The following PHKB variants were observed in gnomAD, a reference collection of about 807,000 sequenced individuals.
The protein encoded by PHKB is phosphorylase kinase regulatory subunit beta.
In PHKB, 122 loss-of-function variants were observed where a neutral mutation model predicts 152.1. The ratio of observed to expected loss-of-function variants is 0.80; its 90% confidence interval spans 0.69 to 0.93. PHKB has a LOEUF of 0.93. Ranked by LOEUF, PHKB falls within the 40% of genes least tolerant of loss-of-function variation. The probability of loss-of-function intolerance (pLI) is 0.00; values close to 1 mark genes in which losing one functional copy is unlikely to be tolerated. For missense variants in PHKB, 1,304 were observed against 1,328.4 expected, an observed-to-expected ratio of 0.98 and a Z score of 0.29; for synonymous variants, 436 against 464.9, an observed-to-expected ratio of 0.94 and a Z score of 0.80.
At chr16:47,543,937 A>G (rs1476884444) in intron 6 of PHKB, among the ~76,000 whole-genome samples, 2 of 151,992 alleles carry the variant, frequency 1.3e-5, no homozygotes, top group African/African-American at 2.4e-5. Context: ...TATTACATCT[A>G]TTTTTATTAC....
chr16:47,517,559 GTTTAGTAA>G (rs1970619247), intron 6 of PHKB, among the ~76,000 whole-genome samples: 1 of 152,002 alleles, frequency 6.6e-6, no homozygotes, highest in African/African-American at 2.4e-5. Context: ...ACCTGGCCTT[GTTTAGTAA>G]TTTATTTTTA....
chr16:47,569,373 T>G (rs1971620289), intron 7 of PHKB, among the ~76,000 whole-genome samples: 1 of 152,238 alleles, frequency 6.6e-6, no homozygotes, highest in African/African-American at 2.4e-5. Context: ...TTTCCATATC[T>G]TTCCTTGACT....
At chr16:47,696,558 A>T in intron 29 of PHKB, 70 bp downstream of exon 29, 1 of 865,950 alleles carries the variant, frequency 1.2e-6, no homozygotes, top group Non-Finnish European at 2.0e-6. Flanking sequence ...AGTATAAGGG[A>T]AACTGCCTAT....
intron 7 of PHKB, among the ~76,000 whole-genome samples, chr16:47,549,597 G>C (rs1244991713): frequency 6.6e-6 from 1 of 151,982 alleles, no homozygotes; most frequent in East Asian, 1.9e-4. Context: ...TGGGAGGCTG[G>C]GGCAGGAGAC....
At chr16:47,481,022 A>G (rs1217163592) in intron 1 of PHKB, among the ~76,000 whole-genome samples, 1 of 152,168 alleles carries the variant, frequency 6.6e-6, no homozygotes, top group East Asian at 1.9e-4. Context: ...TGTCTTCATT[A>G]TAATGTGGAT....
chr16:47,647,550 T>C (rs895470756), intron 16 of PHKB, among the ~76,000 whole-genome samples: 7 of 151,614 alleles, frequency 4.6e-5, no homozygotes, highest in Non-Finnish European at 7.4e-5. Flanking sequence ...CAGGCTGGAG[T>C]GCAGTGGCTC....
chr16:47,513,105 T>G (rs947048128), intron 5 of PHKB, among the ~76,000 whole-genome samples: 2 of 152,212 alleles, frequency 1.3e-5, no homozygotes, highest in Non-Finnish European at 2.9e-5. Context: ...GATAATAGCT[T>G]ATTTATCTTT....
intron 1 of PHKB, among the ~76,000 whole-genome samples, chr16:47,473,218 A>ATTTTTTTCTTTTTT (rs1969807742): frequency 2.1e-5 from 1 of 48,738 alleles, no homozygotes; most frequent in African/African-American, 7.8e-5. Flanking sequence ...TGCCTGGCTA[A>ATTTTTTTCTTTTTT]TTTTTTTTTT....
chr16:47,588,848 G>T, intron 9 of PHKB, 57 bp from the exon 10 acceptor site: 1 of 1,415,340 alleles, frequency 7.1e-7, no homozygotes, highest in East Asian at 2.3e-5. Flanking sequence ...TTCTCCTTGG[G>T]CTGTGTTGAT....
Position 47,665,042 on chromosome 16 carries a change from T to TTAAA in PHKB, c.2427+70_2427+73dup. The TTAAA allele has an allele frequency of 1.9e-5, 19 of 985,824 alleles. No homozygotes were observed. The South Asian group carries it at 2.5e-4, about 13-fold the overall frequency. 61.1% of individuals were successfully genotyped at this position (985,824 alleles called of 1,614,324 possible). ...TGTGGGCTTATTTGCACTCTGAAGG[T>TTAAA]TAAATATGTCTTTTGGTCTTATAGT... is the stretch of plus-strand genomic sequence containing the variant. On this transcript the variant is annotated intron_variant, in intron 25 of 30. Coordinates refer to ENST00000323584, the MANE Select transcript of PHKB (RefSeq NM_000293.3).
intron 2 of PHKB, 122 bp from the exon 3 acceptor site, chr16:47,499,634 A>G (rs573315334): frequency 8.5e-5 from 97 of 1,135,084 alleles, no homozygotes; most frequent in Non-Finnish European, 1.2e-4. Flanking sequence ...GTATTGTACT[A>G]TAGCAAGTTT....
intron 8 of PHKB, among the ~76,000 whole-genome samples, chr16:47,586,254 T>C (rs955493060): frequency 1.3e-5 from 2 of 152,226 alleles, no homozygotes; most frequent in East Asian, 3.8e-4. Flanking sequence ...GGTCAGCTTC[T>C]TGAGAGCACA....
intron 6 of PHKB, among the ~76,000 whole-genome samples, chr16:47,542,412 A>G (rs532942642): frequency 1.3e-5 from 2 of 152,140 alleles, no homozygotes; most frequent in African/African-American, 2.4e-5. Flanking sequence ...GCCTTGTAGT[A>G]TAGTTTGAAG....
At chr16:47,588,394 A>G (rs948303161) in intron 9 of PHKB, among the ~76,000 whole-genome samples, 1 of 151,694 alleles carries the variant, frequency 6.6e-6, no homozygotes, top group Non-Finnish European at 1.5e-5. Context: ...TTGGGTATAT[A>G]TGTTTTCACT....
chr16:47,621,781 CAG>C (rs1170657214), intron 14 of PHKB, among the ~76,000 whole-genome samples: 2 of 152,138 alleles, frequency 1.3e-5, no homozygotes, highest in African/African-American at 2.4e-5. Context: ...CACAGCCGCA[CAG>C]AGTTTCTCCT....
chr16:47,483,034 C>CTTTTTTT (rs35429055), intron 1 of PHKB, among the ~76,000 whole-genome samples: 2 of 91,852 alleles, frequency 2.2e-5, no homozygotes, highest in Non-Finnish European at 4.2e-5. Context: ...TAAATAATTT[C>CTTTTTTT]TTTTTTTTTT....
intron 25 of PHKB, among the ~76,000 whole-genome samples, chr16:47,667,799 G>A (rs1973565577): frequency 6.6e-6 from 1 of 151,626 alleles, no homozygotes; most frequent in African/African-American, 2.4e-5. Context: ...TGGGAGAAAG[G>A]GTGGGTTAGG....
intron 26 of PHKB, chr16:47,676,340 T>G (rs529220010): frequency 6.6e-6 from 1 of 152,360 alleles, no homozygotes; most frequent in Admixed American, 6.5e-5. Context: ...AGACTCATTC[T>G]TACTTGGCTT....
chr16:47,499,112 A>G (rs1418871435), intron 2 of PHKB, among the ~76,000 whole-genome samples: 2 of 152,224 alleles, frequency 1.3e-5, no homozygotes, highest in African/African-American at 4.8e-5. Context: ...AAAATTATTT[A>G]CTTGCTGCTG....
Sources: allele counts gnomAD v4.1 joint callset (sites outside exome capture counted in the v4.1 genomes callset), GRCh38; gene constraint gnomAD v4.1.1; transcripts MANE v1.5; gene names NCBI Gene and HGNC (gene_info 2026-07-23, HGNC 2026-07-21).